The following CHST11 variants were observed in gnomAD, a reference collection of about 807,000 sequenced individuals.
The protein encoded by CHST11 is carbohydrate sulfotransferase 11.
A neutral mutation model predicts 30.4 loss-of-function variants in CHST11; 9 were observed. The observed-to-expected ratio is 0.30, with a 90% CI of 0.18 to 0.52. CHST11 has a LOEUF of 0.52. Among genes scored for constraint, CHST11 ranks in the 20% least tolerant of loss-of-function variants. CHST11 has a pLI of 0.97. For missense variants in CHST11, 348 were observed against 460.6 expected, an observed-to-expected ratio of 0.76 and a Z score of 2.24; for synonymous variants, 152 against 187.8, an observed-to-expected ratio of 0.81 and a Z score of 1.56.
chr12:104,752,452 A>G (rs2040440207), intron 2 of CHST11, among the ~76,000 whole-genome samples: 1 of 152,228 alleles, frequency 6.6e-6, no homozygotes, highest in Non-Finnish European at 1.5e-5. Context: ...GTCACAGTAC[A>G]GCTCTATGAA....
chr12:104,645,718 T>C (rs34354414), intron 2 of CHST11, among the ~76,000 whole-genome samples: 9,767 of 146,412 alleles, frequency 0.067, 708 homozygotes, highest in African/African-American at 0.19. Flanking sequence ...AAGACAAGAT[T>C]AGAGCTTTAT....
At chr12:104,596,859 G>A (rs1390230569) in intron 1 of CHST11, among the ~76,000 whole-genome samples, 2 of 152,144 alleles carry the variant, frequency 1.3e-5, no homozygotes, top group African/African-American at 4.8e-5. Flanking sequence ...AAGCATGTAA[G>A]GTCTCCGAGT....
At chr12:104,475,923 T>G (rs187774946) in intron 1 of CHST11, among the ~76,000 whole-genome samples, 1 of 144,104 alleles carries the variant, frequency 6.9e-6, no homozygotes, top group Non-Finnish European at 1.5e-5. Context: ...GACTTTTTTT[T>G]AGAAGCGGGT....
At chr12:104,735,018 C>T (rs1303671688) in intron 2 of CHST11, among the ~76,000 whole-genome samples, 1 of 152,218 alleles carries the variant, frequency 6.6e-6, no homozygotes, top group Admixed American at 6.5e-5. Flanking sequence ...TTTTTGAGCT[C>T]CTGCTCTGGG....
chr12:104,727,769 C>T (rs899149117), intron 2 of CHST11, among the ~76,000 whole-genome samples: 1 of 152,184 alleles, frequency 6.6e-6, no homozygotes, highest in African/African-American at 2.4e-5. Flanking sequence ...GAGACACAGC[C>T]ATGAAAATGG....
At chr12:104,472,392 C>A (rs2037519172) in intron 1 of CHST11, among the ~76,000 whole-genome samples, 1 of 129,236 alleles carries the variant, frequency 7.7e-6, no homozygotes, top group South Asian at 2.3e-4. Context: ...AAGTTTTATA[C>A]ACACACACAC....
chr12:104,747,937 T>C (rs984769738), intron 2 of CHST11, among the ~76,000 whole-genome samples: 3 of 152,248 alleles, frequency 2.0e-5, no homozygotes, highest in Non-Finnish European at 4.4e-5. Context: ...AGATGAAACG[T>C]AGTAAAATTT....
intron 2 of CHST11, among the ~76,000 whole-genome samples, chr12:104,618,314 C>T (rs1437568674): frequency 6.6e-6 from 1 of 150,572 alleles, no homozygotes; most frequent in East Asian, 2.0e-4. Context: ...GGTTTGGCTT[C>T]CTGGGCGCAA....
At chr12:104,694,718 T>C (rs2039928690) in intron 2 of CHST11, among the ~76,000 whole-genome samples, 1 of 152,112 alleles carries the variant, frequency 6.6e-6, no homozygotes, top group African/African-American at 2.4e-5. Context: ...TGGAAACTCT[T>C]TGAACTCCTG....
chr12:104,526,412 CTT>C (rs1014385310), intron 1 of CHST11, among the ~76,000 whole-genome samples: 2 of 152,148 alleles, frequency 1.3e-5, no homozygotes, highest in Admixed American at 6.5e-5. Context: ...GTGCCTGACT[CTT>C]TTCCCCAGTT....
intron 2 of CHST11, among the ~76,000 whole-genome samples, chr12:104,738,591 C>G (rs1240262317): frequency 1.3e-5 from 2 of 152,226 alleles, no homozygotes; most frequent in Non-Finnish European, 2.9e-5. Flanking sequence ...GAGCACTTAC[C>G]TGCAGGGGCA....
intron 1 of CHST11, among the ~76,000 whole-genome samples, chr12:104,551,336 A>T (rs2038402327): frequency 6.6e-6 from 1 of 152,108 alleles, no homozygotes; most frequent in Non-Finnish European, 1.5e-5. Context: ...AGGGCCTCCA[A>T]ACGCTGACAG....
chr12:104,611,869 G>A (rs1178312451), intron 2 of CHST11, among the ~76,000 whole-genome samples: 1 of 152,232 alleles, frequency 6.6e-6, no homozygotes, highest in Non-Finnish European at 1.5e-5. Context: ...TGTGACTAGT[G>A]TGCGACAGGT....
intron 2 of CHST11, among the ~76,000 whole-genome samples, chr12:104,641,109 G>A (rs539262946): frequency 1.3e-5 from 2 of 152,200 alleles, no homozygotes; most frequent in South Asian, 4.1e-4. Context: ...GACTCCAGGG[G>A]AAAATTACCT....
chr12:104,691,509 G>A (rs868060256), intron 2 of CHST11, among the ~76,000 whole-genome samples: 1 of 142,994 alleles, frequency 7.0e-6, no homozygotes, highest in African/African-American at 2.7e-5. Flanking sequence ...TTTTTTTTGA[G>A]ATGGAGTCTC....
intron 1 of CHST11, among the ~76,000 whole-genome samples, chr12:104,545,790 C>T (rs981550437): frequency 4.7e-4 from 72 of 152,024 alleles, no homozygotes; most frequent in Admixed American, 4.6e-3. Flanking sequence ...TTGAGGATGG[C>T]TGGAGAACTC....
At chr12:104,547,188 C>T (rs187083360) in intron 1 of CHST11, among the ~76,000 whole-genome samples, 16 of 152,250 alleles carry the variant, frequency 1.1e-4, no homozygotes, top group South Asian at 2.1e-4. Context: ...GTAAGATCTT[C>T]CCGAGGACTG....
chr12:104,464,319 C>T (rs2037438138), intron 1 of CHST11, among the ~76,000 whole-genome samples: 2 of 152,102 alleles, frequency 1.3e-5, no homozygotes, highest in South Asian at 2.1e-4. Context: ...CCACCCTCCT[C>T]GGCCTCCCAA....
chr12:104,659,978 T>C (rs184171997), intron 2 of CHST11, among the ~76,000 whole-genome samples: 1 of 152,302 alleles, frequency 6.6e-6, no homozygotes, highest in East Asian at 1.9e-4. Flanking sequence ...TGAGACCCTG[T>C]CTCTAAAAGA....
Sources: gnomAD v4.1 joint callset for allele counts (sites outside exome capture counted in the v4.1 genomes callset) on GRCh38, gnomAD v4.1.1 for gene constraint, MANE v1.5 for transcripts, NCBI Gene and HGNC (gene_info 2026-07-23, HGNC 2026-07-21) for gene names.